Variants in SH3TC2 observed in about 807,000 individuals in gnomAD.
The protein encoded by SH3TC2 is SH3 domain and tetratricopeptide repeat-containing protein 2.
A neutral mutation model predicts 124.5 loss-of-function variants in SH3TC2; 87 were observed. The observed-to-expected ratio is 0.70, with a 90% CI of 0.59 to 0.84. The LOEUF (loss-of-function observed/expected upper bound fraction) is 0.84, where lower values mean the gene tolerates loss of function less well. SH3TC2 is among the 40% of genes least tolerant of loss of function. The pLI, the probability that SH3TC2 is intolerant of heterozygous loss-of-function variation, is 0.00. For missense variants in SH3TC2, 1,536 were observed against 1,566.4 expected, an observed-to-expected ratio of 0.98 and a Z score of 0.33; for synonymous variants, 634 against 628.5, an observed-to-expected ratio of 1.01 and a Z score of -0.13.
chr5:149,017,672 T>A (rs1753898663), intron 12 of SH3TC2, among the ~76,000 whole-genome samples: 1 of 152,224 alleles, frequency 6.6e-6, no homozygotes, highest in South Asian at 2.1e-4. Flanking sequence ...GGTGAAATTG[T>A]CTGGACTCTC....
At chr5:149,048,595 T>C (rs1337095836) in intron 2 of SH3TC2, among the ~76,000 whole-genome samples, 2 of 152,238 alleles carry the variant, frequency 1.3e-5, no homozygotes, top group Non-Finnish European at 2.9e-5. Context: ...ATGTAACAGA[T>C]ACTTATCAAG....
intron 12 of SH3TC2, among the ~76,000 whole-genome samples, chr5:149,016,741 C>T (rs1206475069): frequency 2.0e-5 from 3 of 151,536 alleles, no homozygotes; most frequent in Admixed American, 6.6e-5. Context: ...CTGGCTAACA[C>T]GGTGAAACCC....
At position 148,998,851 on chromosome 5, in the gene SH3TC2, T is replaced by C. The variant is rs1753551724; in HGVS notation, c.*5860A>G. Reference sequence around the variant, plus strand: ...TGAGTTCTGGAATAATCAGACAGAGTTGGGAGAGTGAGGGGGTACATATCA... The same window carrying C: ...TGAGTTCTGGAATAATCAGACAGAGCTGGGAGAGTGAGGGGGTACATATCA... On this transcript the variant is annotated 3_prime_UTR_variant, in exon 17 of 17. Transcript: ENST00000515425. Among the ~76,000 whole-genome samples, 1 of 151,658 alleles carries C rather than the reference T, an allele frequency of 6.6e-6. No homozygotes were observed. The highest frequency in any genetic ancestry group is 2.4e-5 in the African/African-American group (1 of 41,252).
At position 149,003,684 on chromosome 5, in the gene SH3TC2, C is replaced by A; in HGVS notation, c.*1027G>T. ...AGAGATGCTTTGTAAAGCAGCTGCC[C>A]TGAAATCAATAAGATGCCTTGTAGT... On this transcript the variant is annotated 3_prime_UTR_variant, in exon 17 of 17. Transcript: ENST00000515425. The A allele has an allele frequency of 2.6e-6, 1 of 379,236 alleles. No homozygotes were observed. The highest frequency in any genetic ancestry group is 5.3e-6 in the Non-Finnish European group (1 of 189,872). The allele number at this position is 379,236 out of a possible 1,614,324, so 23.5% of individuals were successfully genotyped here.
intron 12 of SH3TC2, among the ~76,000 whole-genome samples, chr5:149,021,884 C>CTTTCTTTTT (rs1753978481): frequency 3.0e-5 from 1 of 32,860 alleles, no homozygotes; most frequent in Non-Finnish European, 5.5e-5. Context: ...CAAACTCTTT[C>CTTTCTTTTT]TTTTTTTTTT....
In SH3TC2 at chr5:149,028,433, C is replaced by A. The variant is rs140904010; in HGVS notation, c.1299G>T (p.Ser433=). The change falls in exon 11 of 17, where the codon TCG becomes TCT. Residue 433 remains serine, a synonymous_variant. Transcript: ENST00000515425. The part of the protein sequence containing the change: ...EDSSLEEELL[S]ATSDSYRLPE... ...GCAGGCGATAGCTGTCTGAGGTGGCCGAGAGGAGCTCCTCCTCCAGGCTGG... is the reference window on the plus strand; with the variant it reads ...GCAGGCGATAGCTGTCTGAGGTGGCAGAGAGGAGCTCCTCCTCCAGGCTGG... 6.2e-7 allele frequency: 1 copy of A among 1,613,356 alleles called. No individual in the cohort carries two copies. The highest frequency in any genetic ancestry group is 1.1e-5 in the South Asian group (1 of 91,050).
rs886060137 is a variant in SH3TC2 at position 148,994,206 on chromosome 5, T to C, written c.*10505A>G. 5.3e-5 allele frequency among the ~76,000 whole-genome samples: 8 copies of C among 152,344 alleles called. No individual in the cohort carries two copies. In the East Asian group the frequency reaches 7.7e-4, roughly 15 times the overall value. Reference sequence around the variant, plus strand: ...GCAATATAGATAAGGCTTGGACTGGTGTCCTGAAGCTGCCACTCTCTATCT... The same window carrying C: ...GCAATATAGATAAGGCTTGGACTGGCGTCCTGAAGCTGCCACTCTCTATCT... On this transcript the variant is annotated 3_prime_UTR_variant, in exon 17 of 17. Transcript: ENST00000515425.
rs144963732 is a variant in SH3TC2, at chr5:149,040,658, G to A, written c.751C>T (p.Pro251Ser). The A allele has an allele frequency of 5.1e-4, 819 of 1,614,008 alleles. 1 individual carries two copies. Among genetic ancestry groups the A allele is most frequent in the Non-Finnish European group, 6.6e-4 (776 of 1,180,020 alleles). The change falls in exon 7 of 17, where the codon CCA becomes TCA. Residue 251 changes from proline to serine, a missense_variant. By Grantham distance (74) the Pro-to-Ser change is moderately conservative. Transcript: ENST00000515425. ...TTCCTGGAAAGGCCACAGCTTCCTGGATAATTCTTTAGGAACCACCTGCCA... is the reference window on the plus strand; with the variant it reads ...TTCCTGGAAAGGCCACAGCTTCCTGAATAATTCTTTAGGAACCACCTGCCA... ...PFHQWFLKNY[P>S]GSCGLSRKRD...
intron 9 of SH3TC2, 127 bp downstream of exon 9, chr5:149,031,427 T>C (rs1754191222): frequency 6.4e-6 from 8 of 1,242,072 alleles, no homozygotes; most frequent in African/African-American, 4.4e-5. Context: ...GTCAACAGAA[T>C]AGTGGTCATG....
chr5:149,042,166 T>C (rs1351761880), intron 5 of SH3TC2, among the ~76,000 whole-genome samples: 2 of 152,188 alleles, frequency 1.3e-5, no homozygotes, highest in Non-Finnish European at 2.9e-5. Context: ...ATCCACCTCA[T>C]AGTTGTTAAT....
At position 148,996,985 on chromosome 5, in the gene SH3TC2, T is replaced by C. The variant is rs982501001; in HGVS notation, c.*7726A>G. Among the ~76,000 whole-genome samples, 16 of 152,206 alleles carry C rather than the reference T, an allele frequency of 1.1e-4. No individual in the cohort carries two copies. The highest frequency in any genetic ancestry group is 3.6e-4 in the African/African-American group (15 of 41,534). ...TAATTAAGCATTCCTGAATACTAAG[T>C]GAGTAAAAAAAGTGCTACTACCAAC... On this transcript the variant is annotated 3_prime_UTR_variant, in exon 17 of 17. Transcript: ENST00000515425.
intron 3 of SH3TC2, chr5:149,045,947 GT>G (rs778733376): frequency 1.4e-5 from 6 of 418,396 alleles, no homozygotes; most frequent in Admixed American, 2.7e-5. Flanking sequence ...ACCCGGCCTG[GT>G]TTTTTTATAA....
rs1391677936 is a variant in SH3TC2 at position 149,004,682 on chromosome 5, C to A, written c.*29G>T. ...GCAGTGGGGTCAGAGTCTGGCCATG[C>A]CAAATGTCCAGAGACAGGACAGCTT... On this transcript the variant is annotated 3_prime_UTR_variant, in exon 17 of 17. Coordinates refer to ENST00000515425, the MANE Select transcript of SH3TC2 (RefSeq NM_024577.4). 7 of 1,610,614 alleles carry A rather than the reference C, an allele frequency of 4.3e-6. No individual in the cohort carries two copies. The highest frequency in any genetic ancestry group is 1.3e-5 in the African/African-American group (1 of 74,860).
In SH3TC2 at chr5:149,003,029, A is replaced by C. The variant is rs762798652; in HGVS notation, c.*1682T>G. The stretch of plus-strand genomic sequence containing the variant: ...AGGTGGGGCCACAGATTTTCATTTC[A>C]AACAATCTCACAGGTGATGCTGATG... On this transcript the variant is annotated 3_prime_UTR_variant, in exon 17 of 17. Transcript: ENST00000515425. 1.3e-5 allele frequency: 2 copies of C among 152,740 alleles called. No homozygotes were observed. The highest frequency in any genetic ancestry group is 2.9e-5 in the Non-Finnish European group (2 of 68,042). 9.5% of individuals were successfully genotyped at this position (152,740 alleles called of 1,614,324 possible). A position where few individuals can be genotyped will look rare whatever the true frequency, so the allele number is the denominator to read the frequency against.
In SH3TC2 at chr5:148,995,756, C is replaced by G. The variant is rs1392413277; in HGVS notation, c.*8955G>C. Among the ~76,000 whole-genome samples, 1 of 152,046 alleles carries G rather than the reference C, an allele frequency of 6.6e-6. No homozygotes were observed. Among genetic ancestry groups the G allele is most frequent in the Non-Finnish European group, 1.5e-5 (1 of 68,012 alleles). On this transcript the variant is annotated 3_prime_UTR_variant, in exon 17 of 17. Transcript: ENST00000515425. ...GACACTGGGCTGGGCTCCAGAAATACAGAGCTGAGTGACCCAAATAAGATT... is the reference window on the plus strand; with the variant it reads ...GACACTGGGCTGGGCTCCAGAAATAGAGAGCTGAGTGACCCAAATAAGATT...
chr5:149,033,232 AC>A (rs138248094), intron 8 of SH3TC2, among the ~76,000 whole-genome samples: 1,595 of 152,260 alleles, frequency 0.01, 32 homozygotes, highest in African/African-American at 0.037. Flanking sequence ...AGGACAACTT[AC>A]GAGAATTTAG....
chr5:149,040,196 T>C (rs933996336), intron 7 of SH3TC2, among the ~76,000 whole-genome samples: 3 of 152,204 alleles, frequency 2.0e-5, no homozygotes, highest in African/African-American at 7.2e-5. Context: ...AAGTTAATTT[T>C]ACAAAACTCT....
intron 6 of SH3TC2, 120 bp from the exon 7 acceptor site, chr5:149,040,797 A>G: frequency 1.1e-6 from 1 of 884,586 alleles, no homozygotes; most frequent in East Asian, 2.5e-5. Flanking sequence ...TATTTAAATG[A>G]TGGCAAAAGT....
rs1292937556 is a variant in SH3TC2 at position 149,031,697 on chromosome 5, G to C, written c.1002-10C>G. The C allele has an allele frequency of 1.2e-6, 2 of 1,613,504 alleles. No homozygotes were observed. The highest frequency in any genetic ancestry group is 2.7e-5 in the African/African-American group (2 of 74,828). On this transcript the variant is annotated splice_polypyrimidine_tract_variant and intron_variant, in intron 8 of 16. Coordinates refer to ENST00000515425, the MANE Select transcript of SH3TC2 (RefSeq NM_024577.4). ...GGCAGAGTTCCTGCTCCTGCATCGG[G>C]GCAAAAAACACAGAGACAGATTACT...
Sources: allele counts gnomAD v4.1 joint callset (sites outside exome capture counted in the v4.1 genomes callset), GRCh38; gene constraint gnomAD v4.1.1; transcripts MANE v1.5; gene names NCBI Gene and HGNC (gene_info 2026-07-23, HGNC 2026-07-21).